ATAD2B: variants seen among roughly 807,000 people sequenced by gnomAD.
The protein encoded by ATAD2B is ATPase family AAA domain containing 2B.
A neutral mutation model predicts 167.6 loss-of-function variants in ATAD2B; 40 were observed. The observed-to-expected ratio is 0.24, with a 90% CI of 0.19 to 0.31. The LOEUF is 0.31. Ranked by LOEUF, ATAD2B falls within the 10% of genes least tolerant of loss-of-function variation. ATAD2B has a pLI of 1.00. For missense variants in ATAD2B, 1,242 were observed against 1,757.2 expected (o/e 0.71, Z 5.24); for synonymous variants, 579 against 596.5 (o/e 0.97, Z 0.43).
chr2:23,707,024 C>T, the ATAD2B span: 5 of 178,114 alleles, frequency 2.8e-5, no homozygotes, highest in African/African-American at 1.2e-4. Context: ...AACCATAGAT[C>T]AGTTATCTTA....
Position 23,884,840 on chromosome 2 carries a change from G to A in ATAD2B, c.709C>T (p.Arg237Ter). 1.3e-6 allele frequency: 2 copies of A among 1,592,178 alleles called. No homozygotes were observed. Among genetic ancestry groups the A allele is most frequent in the Non-Finnish European group, 1.7e-6 (2 of 1,168,514 alleles). The stretch of plus-strand genomic sequence containing the variant: ...CTATTTCTTCTTAGTGACTTTCTTC[G>A]CCTTTTCACTCTTGAATACATATCC... ...NMDMYSRVKRRRKSLRRNSYG... is the reference protein window; with the variant it reads ...NMDMYSRVKR The change falls in exon 6 of 28, where the codon CGA becomes TGA. Residue 237 changes from arginine to a stop codon, truncating the protein, a stop_gained. Transcript: ENST00000238789. LOFTEE classifies it high-confidence loss of function.
downstream of ATAD2B, among the ~76,000 whole-genome samples, chr2:23,746,652 C>A (rs1440149063): frequency 1.3e-5 from 2 of 151,938 alleles, no homozygotes; most frequent in Admixed American, 1.3e-4. Context: ...ATGAGACATG[C>A]TTAGGGGGAA....
chr2:23,773,696 G>A (rs1160530539), intron 22 of ATAD2B, among the ~76,000 whole-genome samples: 2 of 152,090 alleles, frequency 1.3e-5, no homozygotes. Flanking sequence ...TTTTAAGACT[G>A]TCCAAATCCA....
intron 12 of ATAD2B, among the ~76,000 whole-genome samples, chr2:23,861,166 T>C (rs1389539258): frequency 6.8e-6 from 1 of 146,676 alleles, no homozygotes; most frequent in Non-Finnish European, 1.5e-5. Flanking sequence ...TTTTTTTTTA[T>C]AACTACACCC....
At chr2:23,910,657 C>T (rs1487374735) in intron 1 of ATAD2B, among the ~76,000 whole-genome samples, 3 of 150,310 alleles carry the variant, frequency 2.0e-5, no homozygotes, top group Non-Finnish European at 4.4e-5. Flanking sequence ...CACCTGAGGT[C>T]AGAAGTTTGA....
At chr2:23,894,898 T>C (rs2150356064) in intron 2 of ATAD2B, among the ~76,000 whole-genome samples, 1 of 152,346 alleles carries the variant, frequency 6.6e-6, no homozygotes, top group South Asian at 2.1e-4. Flanking sequence ...TTATGGAGCA[T>C]ATTTTAGTAA....
intron 1 of ATAD2B, among the ~76,000 whole-genome samples, chr2:23,917,980 C>T (rs185909441): frequency 1.2e-3 from 178 of 151,526 alleles, no homozygotes; most frequent in African/African-American, 2.1e-3. Context: ...ATCGCTTGAA[C>T]GCCAGAGGCA....
chr2:23,884,810 C>A lies in ATAD2B; in HGVS notation c.739G>T (p.Gly247Trp). 6.2e-7 allele frequency: 1 copy of A among 1,601,930 alleles called. No homozygotes were observed. The highest frequency in any genetic ancestry group is 8.5e-7 in the Non-Finnish European group (1 of 1,173,912). ...GAAACTTCATGATGATTTTGTATCCCATAACTATTTCTTCTTAGTGACTTT... is the reference window on the plus strand; with the variant it reads ...GAAACTTCATGATGATTTTGTATCCAATAACTATTTCTTCTTAGTGACTTT... ...RRKSLRRNSY[G>W]IQNHHEVSTE... The change falls in exon 6 of 28, where the codon GGG becomes TGG. Residue 247 changes from glycine (G) to tryptophan (W), a missense_variant. Around this residue, in one of 9 missense-constraint regions of ATAD2B, gnomAD observed 99 missense variants for 160.4 expected, o/e 0.62. Transcript: ENST00000238789.
intron 19 of ATAD2B, among the ~76,000 whole-genome samples, chr2:23,790,127 T>C (rs1681428944): frequency 6.6e-6 from 1 of 152,210 alleles, no homozygotes; most frequent in African/African-American, 2.4e-5. Flanking sequence ...TTGAAAGTTC[T>C]GGAAGTAAAT....
At chr2:23,735,088 A>G in the ATAD2B span, among the ~76,000 whole-genome samples, 1 of 152,202 alleles carries the variant, frequency 6.6e-6, no homozygotes, top group African/African-American at 2.4e-5. Flanking sequence ...CTGTTCAAAA[A>G]CATTGTCACA....
At chr2:23,865,129 TTA>T (rs1460690996) in intron 10 of ATAD2B, among the ~76,000 whole-genome samples, 18 of 152,160 alleles carry the variant, frequency 1.2e-4, no homozygotes, top group African/African-American at 4.1e-4. Flanking sequence ...CTACCATTAT[TTA>T]ATCTAGTAAC....
chr2:23,706,688 G>T, the ATAD2B span: 1 of 1,475,618 alleles, frequency 6.8e-7, no homozygotes, highest in South Asian at 1.3e-5. Context: ...CCCACGATAA[G>T]ACTGTGGACA....
In ATAD2B at chr2:23,755,818, A is replaced by C. The variant is rs575657316; in HGVS notation, c.4079-1044T>G. On this transcript the variant is annotated intron_variant, in intron 25 of 27. Transcript: ENST00000238789. ...ATATATCAGAGAAATTTTATATTTC[A>C]GGCTGCTTTTAATGTGAAAGACTTC... Among the ~76,000 whole-genome samples, 19 of 152,296 alleles carry C rather than the reference A, an allele frequency of 1.2e-4. No individual in the cohort carries two copies. The South Asian group carries it at 2.1e-3, about 17-fold the overall frequency.
intron 20 of ATAD2B, among the ~76,000 whole-genome samples, chr2:23,786,517 C>T (rs1349392603): frequency 1.3e-5 from 2 of 152,026 alleles, no homozygotes; most frequent in African/African-American, 4.8e-5. Context: ...ATACTGAATA[C>T]TGTAGGCAAC....
chr2:23,762,492 T>C lies in ATAD2B; in HGVS notation c.3257-146A>G, dbSNP rs1676877048. On this transcript the variant is annotated intron_variant, in intron 23 of 27. Transcript: ENST00000238789. Reference sequence around the variant, plus strand: ...TTGCAGTTCCAATGAAAGCAGTGTCTTTTGTTTTAAGATGGGTAAGAAACT... The same window carrying C: ...TTGCAGTTCCAATGAAAGCAGTGTCCTTTGTTTTAAGATGGGTAAGAAACT... 9 of 712,616 alleles carry C rather than the reference T, an allele frequency of 1.3e-5. No homozygotes were observed. In the South Asian group the frequency reaches 2.6e-4, roughly 20 times the overall value. 44.1% of individuals were successfully genotyped at this position (712,616 alleles called of 1,614,324 possible). A position where few individuals can be genotyped will look rare whatever the true frequency, so the allele number is the denominator to read the frequency against.
intron 4 of ATAD2B, among the ~76,000 whole-genome samples, chr2:23,887,418 T>C (rs894249103): frequency 3.3e-5 from 5 of 152,182 alleles, no homozygotes; most frequent in African/African-American, 1.2e-4. Context: ...TAACTATGCA[T>C]CTAGATACTG....
intron 19 of ATAD2B, among the ~76,000 whole-genome samples, chr2:23,792,917 T>C (rs1223997293): frequency 7.6e-6 from 1 of 130,862 alleles, no homozygotes; most frequent in Non-Finnish European, 1.5e-5. Context: ...GAGCCGAGAT[T>C]GTGCCACTGC....
chr2:23,731,948 G>C, the ATAD2B span, among the ~76,000 whole-genome samples: 1 of 150,320 alleles, frequency 6.7e-6, no homozygotes, highest in Non-Finnish European at 1.5e-5. Context: ...CTACACTCCA[G>C]TCTGGGTGAC....
At position 23,754,088 on chromosome 2, in the gene ATAD2B, T is replaced by C. The variant is rs559387928; in HGVS notation, c.4335+91A>G. ...TTCTTCAGCTACTTGGTAAAAGACA[T>C]AGATGTAGGCAAAATAACTTTTTTT... is the stretch of plus-strand genomic sequence containing the variant. On this transcript the variant is annotated intron_variant, in intron 27 of 27. Coordinates refer to ENST00000238789, the MANE Select transcript of ATAD2B (RefSeq NM_017552.4). 1.3e-4 allele frequency: 136 copies of C among 1,054,844 alleles called. 2 individuals are homozygous for C. The South Asian group carries it at 1.6e-3, about 12-fold the overall frequency. The allele number at this position is 1,054,844 out of a possible 1,614,324, so 65.3% of individuals were successfully genotyped here.
Sources: gnomAD v4.1 joint callset for allele counts (sites outside exome capture counted in the v4.1 genomes callset) on GRCh38, gnomAD v4.1.1 for gene constraint, gnomAD v4.1.1 regional missense constraint, MANE v1.5 for transcripts, NCBI Gene and HGNC (gene_info 2026-07-23, HGNC 2026-07-21) for gene names.